Variants in TSNARE1 observed in about 807,000 individuals in gnomAD.
The protein encoded by TSNARE1 is t-SNARE domain-containing protein 1.
A neutral mutation model predicts 62.0 loss-of-function variants in TSNARE1; 49 were observed. The ratio of observed to expected loss-of-function variants is 0.79; its 90% CI spans 0.63 to 1.00. TSNARE1 has a LOEUF of 1.00. Ranked by LOEUF, TSNARE1 falls within the 50% of genes least tolerant of loss-of-function variation. The pLI, the probability that TSNARE1 is intolerant of heterozygous loss-of-function variation, is 0.00. For missense variants in TSNARE1, 755 were observed against 700.1 expected (o/e 1.08, Z -0.88); for synonymous variants, 328 against 294.4 (o/e 1.11, Z -1.17).
intron 4 of TSNARE1, among the ~76,000 whole-genome samples, chr8:142,337,320 A>C (rs1211994836): frequency 1.3e-5 from 2 of 152,210 alleles, no homozygotes; most frequent in Non-Finnish European, 2.9e-5. Flanking sequence ...CAGCAATTCA[A>C]CTTGCAGGTA....
chr8:142,382,418 C>T (rs752233562), intron 1 of TSNARE1, among the ~76,000 whole-genome samples: 20 of 152,146 alleles, frequency 1.3e-4, no homozygotes, highest in Non-Finnish European at 2.6e-4. Context: ...CGGCCTCTGC[C>T]CACTGACCAG....
At position 142,283,044 on chromosome 8, in the gene TSNARE1, C is replaced by T. The variant is rs187642133; in HGVS notation, c.1363+1369G>A. 1.2e-3 allele frequency among the ~76,000 whole-genome samples: 173 copies of T among 143,598 alleles called. 4 individuals carry two copies. In the East Asian group the frequency reaches 0.031, roughly 26 times the overall value. The allele number at this position is 143,598 out of a possible 152,430, so 94.2% of individuals were successfully genotyped here. ...GTCAGTGTCTGCCAATGAGCAGAGG[C>T]GGGACCAGTGTCTGTCAGTGAGCGG... On this transcript the variant is annotated intron_variant, in intron 11 of 13. Transcript: ENST00000524325.
intron 12 of TSNARE1, chr8:142,247,704 T>A (rs1296652981): frequency 2.0e-5 from 3 of 152,252 alleles, no homozygotes; most frequent in Non-Finnish European, 4.4e-5. Flanking sequence ...GGCTGGTTCA[T>A]CCCGCTTTAG....
chr8:142,276,996 G>A lies in TSNARE1; in HGVS notation c.1364-2133C>T, dbSNP rs182470128. On this transcript the variant is annotated intron_variant, in intron 11 of 13. Coordinates refer to ENST00000524325, the MANE Select transcript of TSNARE1 (RefSeq NM_145003.5). ...GCACAAGGGGAGGGGGGCTGCTCCC[G>A]GTGCTGTGCGGCCGCGTGTTGCTCG... 8.8e-4 allele frequency: 866 copies of A among 985,464 alleles called. 5 individuals are homozygous for A. The African/African-American group carries it at 0.013, about 15-fold the overall frequency. The allele number at this position is 985,464 out of a possible 1,614,324, so 61.0% of individuals were successfully genotyped here.
intron 13 of TSNARE1, among the ~76,000 whole-genome samples, chr8:142,222,321 A>C (rs1386982292): frequency 0.087 from 1,317 of 15,176 alleles, 493 homozygotes; most frequent in African/African-American, 0.1. Flanking sequence ...CTCATCCACT[A>C]ATTCACTCAC....
At chr8:142,221,582 C>T (rs985456944) in intron 13 of TSNARE1, among the ~76,000 whole-genome samples, 1 of 152,228 alleles carries the variant, frequency 6.6e-6, no homozygotes, top group Non-Finnish European at 1.5e-5. Flanking sequence ...GAGCCAGGAG[C>T]CCTCAGACAG....
rs549908925 is a variant in TSNARE1 at position 142,308,950 on chromosome 8, G to A, written c.1131+5434C>T. On this transcript the variant is annotated intron_variant, in intron 9 of 13. Transcript: ENST00000524325. The stretch of plus-strand genomic sequence containing the variant: ...TCTCCATAAGCACAGCAACCCCTCC[G>A]TGGTTTAGGTCATCTGTCATTTCTC... Among the ~76,000 whole-genome samples the A allele has an allele frequency of 2.4e-4, 36 of 152,216 alleles. No individual in the cohort carries two copies. In the South Asian group the frequency reaches 7.1e-3, roughly 30 times the overall value.
intron 11 of TSNARE1, chr8:142,280,231 G>C: frequency 4.1e-6 from 4 of 985,402 alleles, no homozygotes; most frequent in Non-Finnish European, 4.8e-6. Flanking sequence ...CGGCCGCAGG[G>C]GTGTGGAGCC....
chr8:142,271,418 T>C (rs34066697), intron 12 of TSNARE1: 496,965 of 1,242,796 alleles, frequency 0.4, 103,832 homozygotes, highest in African/African-American at 0.7. Flanking sequence ...GTCCAGCAGC[T>C]GCTGCTCAAA....
chr8:142,244,839 G>A (rs1817819004), intron 12 of TSNARE1, among the ~76,000 whole-genome samples: 1 of 152,230 alleles, frequency 6.6e-6, no homozygotes, highest in Non-Finnish European at 1.5e-5. Flanking sequence ...GAGGGAGCAG[G>A]GCAGACCGGC....
chr8:142,283,877 G>C (rs1344599900), intron 11 of TSNARE1, among the ~76,000 whole-genome samples: 3 of 142,324 alleles, frequency 2.1e-5, no homozygotes, highest in African/African-American at 7.4e-5. Flanking sequence ...CAGAGGCAGG[G>C]ACAGTGTCAA....
At position 142,331,576 on chromosome 8, in the gene TSNARE1, G is replaced by C. The variant is rs891356153; in HGVS notation, c.823+178C>G. On this transcript the variant is annotated intron_variant, in intron 5 of 13. Coordinates refer to ENST00000524325, the MANE Select transcript of TSNARE1 (RefSeq NM_145003.5). The stretch of plus-strand genomic sequence containing the variant: ...GGACTGCACTGCAGGACGGCCTGAC[G>C]GGGGAAGCCATCCAGCACCCTCGCA... Among the ~76,000 whole-genome samples the C allele has an allele frequency of 4.6e-5, 7 of 152,304 alleles. No individual in the cohort carries two copies. The South Asian group carries it at 1.2e-3, about 27-fold the overall frequency.
Position 142,243,327 on chromosome 8 carries a change from A to G in TSNARE1, c.1447-13748T>C, listed in dbSNP as rs549303101. Among the ~76,000 whole-genome samples, 18 of 152,366 alleles carry G rather than the reference A, an allele frequency of 1.2e-4. 1 individual carries two copies. The highest frequency in any genetic ancestry group is 4.6e-4 in the Admixed American group (7 of 15,306). ...CCATGTTTATCGCTGCCCTATTCAC[A>G]ATAGCCAGGACGTGGAATCGGCCTA... On this transcript the variant is annotated intron_variant, in intron 12 of 13. Coordinates refer to ENST00000524325, the MANE Select transcript of TSNARE1 (RefSeq NM_145003.5).
At chr8:142,341,410 G>A (rs1197412456) in intron 4 of TSNARE1, among the ~76,000 whole-genome samples, 2 of 152,242 alleles carry the variant, frequency 1.3e-5, no homozygotes, top group African/African-American at 4.8e-5. Flanking sequence ...GTAAAGCGCA[G>A]GCAGTGGTGG....
chr8:142,287,950 C>T (rs1435064415), intron 10 of TSNARE1, among the ~76,000 whole-genome samples: 2 of 151,936 alleles, frequency 1.3e-5, no homozygotes, highest in Admixed American at 6.5e-5. Flanking sequence ...TCTCGGGGAT[C>T]GTGGGGCTCC....
chr8:142,315,146 G>A (rs1828323798), intron 7 of TSNARE1, 54 bp from the exon 8 acceptor site: 2 of 1,583,562 alleles, frequency 1.3e-6, no homozygotes, highest in Non-Finnish European at 1.7e-6. Context: ...TGCCCCAGCA[G>A]CCCCCACCAC....
At chr8:142,364,305 G>A (rs1835379912) in intron 1 of TSNARE1, among the ~76,000 whole-genome samples, 1 of 152,370 alleles carries the variant, frequency 6.6e-6, no homozygotes, top group South Asian at 2.1e-4. Context: ...CACTCACCAA[G>A]CAGTGGTACT....
chr8:142,326,609 AGGGGAGG>A, intron 6 of TSNARE1, among the ~76,000 whole-genome samples: 1 of 146,090 alleles, frequency 6.8e-6, no homozygotes, highest in African/African-American at 2.6e-5. Flanking sequence ...GCACCAGCGA[AGGGGAGG>A]GGCCCCGGAG....
intron 9 of TSNARE1, 100 bp from the exon 10 acceptor site, chr8:142,300,744 C>T: frequency 8.1e-7 from 1 of 1,229,858 alleles, no homozygotes; most frequent in Middle Eastern, 2.0e-4. Context: ...CCTTCACTAT[C>T]CCCATCTGCT....
Sources: allele counts gnomAD v4.1 joint callset (sites outside exome capture counted in the v4.1 genomes callset), GRCh38; gene constraint gnomAD v4.1.1; transcripts MANE v1.5; gene names NCBI Gene and HGNC (gene_info 2026-07-23, HGNC 2026-07-21).